CFI: variants seen among roughly 807,000 people sequenced by gnomAD.
CFI encodes the protein complement factor I.
Under a neutral mutation model 78.8 loss-of-function variants are expected in CFI, and 66 were observed. That is an observed-to-expected ratio of 0.84 (90% CI 0.69 to 1.03). The LOEUF (loss-of-function observed/expected upper bound fraction) is 1.03. Among genes scored for constraint, CFI ranks in the 50% least tolerant of loss-of-function variants. The pLI is 0.00. For synonymous variants in CFI, 250 were observed against 232.6 expected (o/e 1.07, Z -0.68); for missense variants, 706 against 704.5 (o/e 1.00, Z -0.02).
chr4:109,761,838 C>T (rs538973714), intron 3 of CFI, 146 bp from the exon 4 acceptor site: 1 of 676,230 alleles, frequency 1.5e-6, no homozygotes. Context: ...AAACTCTGAG[C>T]CTCAGTACCT....
chr4:109,732,750 G>T, the CFI span, among the ~76,000 whole-genome samples: 3 of 151,604 alleles, frequency 2.0e-5, no homozygotes, highest in African/African-American at 7.3e-5. Flanking sequence ...CCAGCTACTC[G>T]GGAGGCTGAG....
intron 1 of CFI, among the ~76,000 whole-genome samples, chr4:109,789,021 A>T (rs1180489034): frequency 6.6e-6 from 1 of 152,002 alleles, no homozygotes; most frequent in African/African-American, 2.4e-5. Context: ...AAAGACACAG[A>T]TGATATGAAA....
chr4:109,754,229 G>GT (rs1206176840), intron 7 of CFI, among the ~76,000 whole-genome samples: 1 of 150,878 alleles, frequency 6.6e-6, no homozygotes, highest in Middle Eastern at 3.2e-3. Context: ...TGATCCACCC[G>GT]CCTTGGCCTC....
chr4:109,789,996 C>A (rs746846341), intron 1 of CFI, among the ~76,000 whole-genome samples: 5 of 151,900 alleles, frequency 3.3e-5, no homozygotes, highest in Non-Finnish European at 5.9e-5. Context: ...CTTTTACTTG[C>A]TATAGGTCTG....
intron 6 of CFI, 86 bp downstream of exon 6, chr4:109,760,184 C>G: frequency 2.2e-6 from 2 of 892,992 alleles, no homozygotes; most frequent in Non-Finnish European, 3.8e-6. Flanking sequence ...TCTATGTTCC[C>G]CTTAAGATTA....
chr4:109,756,888 G>GGAAAGAAGAAAGAAAGAAAGAAAGAAA lies in CFI; in HGVS notation c.904+874_904+875insTTTCTTTCTTTCTTTCTTTCTTCTTTC, dbSNP rs1324695990. Among the ~76,000 whole-genome samples the GGAAAGAAGAAAGAAAGAAAGAAAGAAA allele has an allele frequency of 5.4e-4, 31 of 57,874 alleles. 1 individual carries two copies. The highest frequency in any genetic ancestry group is 2.0e-3 in the African/African-American group (27 of 13,316). The allele number at this position is 57,874 out of a possible 152,430, so 38.0% of individuals were successfully genotyped here. Reference sequence around the variant, plus strand: ...CTCCGTCTCGAAAGAAAGAAAGAAAGGAAAGAAAGAAAGAAAGAAAGAAAG... The same window carrying GGAAAGAAGAAAGAAAGAAAGAAAGAAA: ...CTCCGTCTCGAAAGAAAGAAAGAAAGGAAAGAAGAAAGAAAGAAAGAAAGAAAGAAAGAAAGAAAGAAAGAAAGAAAG... On this transcript the variant is annotated intron_variant, in intron 7 of 12. Coordinates refer to ENST00000394634, the MANE Select transcript of CFI (RefSeq NM_000204.5).
At chr4:109,744,902 T>TA (rs1158420007) in intron 11 of CFI, among the ~76,000 whole-genome samples, 3 of 152,140 alleles carry the variant, frequency 2.0e-5, no homozygotes, top group Non-Finnish European at 4.4e-5. Context: ...ATAAAAGATT[T>TA]AAAAAAACAG....
At chr4:109,801,077 C>T (rs768981966) in intron 1 of CFI, among the ~76,000 whole-genome samples, 1 of 152,178 alleles carries the variant, frequency 6.6e-6, no homozygotes, top group Non-Finnish European at 1.5e-5. Flanking sequence ...TGGATTGCCA[C>T]CAAAGTTGGC....
At chr4:109,751,682 C>A (rs1183735046) in intron 8 of CFI, among the ~76,000 whole-genome samples, 1 of 152,142 alleles carries the variant, frequency 6.6e-6, no homozygotes, top group Non-Finnish European at 1.5e-5. Flanking sequence ...CTGAAGTAAT[C>A]CGCCTGCTTT....
At chr4:109,753,489 A>T (rs11946218) in intron 7 of CFI, among the ~76,000 whole-genome samples, 40,448 of 46,106 alleles carry the variant, frequency 0.88, 17,548 homozygotes, top group Middle Eastern at 0.97. Flanking sequence ...ATTTATAATA[A>T]ATATTTATAA....
downstream of CFI, among the ~76,000 whole-genome samples, chr4:109,740,198 G>A (rs1035819099): frequency 3.9e-5 from 6 of 152,108 alleles, no homozygotes; most frequent in African/African-American, 1.4e-4. Flanking sequence ...GACTGGGGTG[G>A]CATGATTGCT....
At chr4:109,767,510 A>C (rs1420368638) in intron 1 of CFI, among the ~76,000 whole-genome samples, 1 of 151,942 alleles carries the variant, frequency 6.6e-6, no homozygotes, top group Non-Finnish European at 1.5e-5. Context: ...ACATTTATGC[A>C]GCCAAAAGAC....
chr4:109,749,362 T>C (rs776543806), intron 9 of CFI, 41 bp from the exon 10 acceptor site: 4 of 1,565,514 alleles, frequency 2.6e-6, no homozygotes, highest in Non-Finnish European at 3.5e-6. Flanking sequence ...TTCTAACAGA[T>C]AGCGATACAA....
At chr4:109,747,218 C>G (rs1169822421) in intron 10 of CFI, among the ~76,000 whole-genome samples, 1 of 152,174 alleles carries the variant, frequency 6.6e-6, no homozygotes, top group African/African-American at 2.4e-5. Flanking sequence ...CAGGGTCTCA[C>G]TCTTTTGCCT....
intron 1 of CFI, among the ~76,000 whole-genome samples, chr4:109,768,355 A>G (rs903587442): frequency 6.6e-6 from 1 of 150,550 alleles, no homozygotes; most frequent in African/African-American, 2.4e-5. Flanking sequence ...AAAAAAAAAG[A>G]AAAAAAGAAT....
At chr4:109,739,128 G>A (rs1173163283), downstream of CFI, among the ~76,000 whole-genome samples, 1 of 152,072 alleles carries the variant, frequency 6.6e-6, no homozygotes, top group Admixed American at 6.6e-5. Context: ...GAAAATCTGG[G>A]CAGTAACTGA....
At chr4:109,752,545 T>C (rs1302692401) in intron 7 of CFI, 42 bp from the exon 8 acceptor site, 2 of 1,525,212 alleles carry the variant, frequency 1.3e-6, no homozygotes, top group Non-Finnish European at 1.8e-6. Flanking sequence ...AGTTGTTAAT[T>C]ATAGTCAAAA....
chr4:109,756,957 GAAAGAA>G (rs1726356194), intron 7 of CFI, among the ~76,000 whole-genome samples: 1 of 132,850 alleles, frequency 7.5e-6, no homozygotes. Flanking sequence ...AAGAAAGAAA[GAAAGAA>G]AGAAAGAAAG....
At chr4:109,752,416 A>G in intron 8 of CFI, 52 bp downstream of exon 8, 2 of 1,553,182 alleles carry the variant, frequency 1.3e-6, no homozygotes, top group Non-Finnish European at 1.8e-6. Flanking sequence ...TGACACTGAA[A>G]TTACAGCCTA....
Sources: gnomAD v4.1 joint callset for allele counts (sites outside exome capture counted in the v4.1 genomes callset) on GRCh38, gnomAD v4.1.1 for gene constraint, MANE v1.5 for transcripts, NCBI Gene and HGNC (gene_info 2026-07-23, HGNC 2026-07-21) for gene names.